Variants in DPP6 observed in about 807,000 individuals in gnomAD.
DPP6 encodes dipeptidyl peptidase like 6, also known as A-type potassium channel modulatory protein DPP6.
A neutral mutation model predicts 122.6 loss-of-function variants in DPP6; 69 were observed. That is an observed-to-expected ratio of 0.56 (90% CI 0.46 to 0.69). The LOEUF (loss-of-function observed/expected upper bound fraction) is 0.69, where lower values mean the gene tolerates loss of function less well. Ranked by LOEUF, DPP6 falls within the 30% of genes least tolerant of loss-of-function variation. DPP6 has a pLI of 0.00. For synonymous variants in DPP6, 418 were observed against 433.1 expected, an observed-to-expected ratio of 0.97 and a Z score of 0.43; for missense variants, 928 against 1,116.9, an observed-to-expected ratio of 0.83 and a Z score of 2.41.
At chr7:154,168,992 C>G (rs1797396396) in intron 1 of DPP6, among the ~76,000 whole-genome samples, 1 of 152,132 alleles carries the variant, frequency 6.6e-6, no homozygotes, top group Non-Finnish European at 1.5e-5. Context: ...AAACAAAAAA[C>G]AAAGCAAAGC....
At chr7:154,060,092 G>T (rs565871561) in intron 1 of DPP6, among the ~76,000 whole-genome samples, 38 of 145,504 alleles carry the variant, frequency 2.6e-4, no homozygotes, top group Admixed American at 4.1e-4. Flanking sequence ...ACCATCGCAG[G>T]GGGGGAGGCA....
intron 1 of DPP6, among the ~76,000 whole-genome samples, chr7:154,422,881 T>C (rs986324673): frequency 6.6e-6 from 1 of 152,154 alleles, no homozygotes; most frequent in Non-Finnish European, 1.5e-5. Flanking sequence ...CCAGCTGGCT[T>C]GCAATAAATA....
At chr7:153,816,367 A>G in the DPP6 span, among the ~76,000 whole-genome samples, 1 of 152,018 alleles carries the variant, frequency 6.6e-6, no homozygotes. Context: ...CAGGCAAAAT[A>G]CATAGTGAAG....
chr7:153,848,699 GA>G, the DPP6 span, among the ~76,000 whole-genome samples: 1 of 152,156 alleles, frequency 6.6e-6, no homozygotes, highest in Admixed American at 6.5e-5. Flanking sequence ...ATGAAACCCA[GA>G]ACGATTCAAA....
chr7:153,853,917 G>A, the DPP6 span, among the ~76,000 whole-genome samples: 1 of 149,504 alleles, frequency 6.7e-6, no homozygotes, highest in East Asian at 1.9e-4. Context: ...TGAAGTCCTT[G>A]CCCATGCCTA....
chr7:154,276,332 C>T (rs1300150644), intron 1 of DPP6, among the ~76,000 whole-genome samples: 3 of 152,156 alleles, frequency 2.0e-5, no homozygotes, highest in South Asian at 2.1e-4. Context: ...GTTAATGCCC[C>T]GTAGGCCTCT....
chr7:153,831,248 T>G, the DPP6 span, among the ~76,000 whole-genome samples: 2 of 152,140 alleles, frequency 1.3e-5, no homozygotes, highest in Non-Finnish European at 1.5e-5. Context: ...GCAAACAAAC[T>G]CCCTATTTTC....
intron 7 of DPP6, among the ~76,000 whole-genome samples, chr7:154,669,969 C>T (rs1838453423): frequency 1.3e-5 from 2 of 152,152 alleles, no homozygotes; most frequent in Non-Finnish European, 2.9e-5. Flanking sequence ...AAGCGATTCT[C>T]CTGCCTCAGC....
intron 1 of DPP6, among the ~76,000 whole-genome samples, chr7:153,958,556 A>G (rs1304421345): frequency 6.6e-6 from 1 of 152,098 alleles, no homozygotes; most frequent in Non-Finnish European, 1.5e-5. Flanking sequence ...AGGTCGAGCC[A>G]AGAGCTGAGG....
At chr7:153,984,433 C>T (rs561283128) in intron 1 of DPP6, among the ~76,000 whole-genome samples, 12 of 152,218 alleles carry the variant, frequency 7.9e-5, no homozygotes, top group Admixed American at 2.6e-4. Context: ...TCAGGGGGCA[C>T]GAAGAAGAGA....
At chr7:154,608,342 T>TATATATATATATATATATATATATATATA (rs59731169) in intron 5 of DPP6, among the ~76,000 whole-genome samples, 137 of 127,298 alleles carry the variant, frequency 1.1e-3, no homozygotes, top group Non-Finnish European at 1.5e-3. Flanking sequence ...TATATATATA[T>TATATATATATATATATATATATATATATA]TTTGAGATGG....
chr7:153,789,132 C>G, the DPP6 span, among the ~76,000 whole-genome samples: 1 of 152,126 alleles, frequency 6.6e-6, no homozygotes, highest in African/African-American at 2.4e-5. Context: ...CTCTTGCTGG[C>G]TTGGAAGATG....
At chr7:153,920,323 G>A (rs939135050) in intron 1 of DPP6, among the ~76,000 whole-genome samples, 3 of 152,136 alleles carry the variant, frequency 2.0e-5, no homozygotes, top group Non-Finnish European at 4.4e-5. Flanking sequence ...TGAGAGAACC[G>A]ACAAGCAACT....
At chr7:154,522,208 T>A (rs1827047778) in intron 3 of DPP6, among the ~76,000 whole-genome samples, 1 of 152,124 alleles carries the variant, frequency 6.6e-6, no homozygotes, top group Admixed American at 6.5e-5. Flanking sequence ...TCTCCTGATC[T>A]CATGATCCGC....
intron 16 of DPP6, among the ~76,000 whole-genome samples, chr7:154,831,912 A>G (rs1800660538): frequency 6.6e-6 from 1 of 152,202 alleles, no homozygotes; most frequent in Non-Finnish European, 1.5e-5. Flanking sequence ...GATTCTGACA[A>G]ATCTTTACAA....
intron 1 of DPP6, among the ~76,000 whole-genome samples, chr7:154,173,733 T>C (rs1405943830): frequency 6.6e-6 from 1 of 152,164 alleles, no homozygotes; most frequent in African/African-American, 2.4e-5. Context: ...ATTCCTATTA[T>C]GGCCAACGCA....
rs200341312 is a variant in DPP6 at position 154,061,577 on chromosome 7, C to G, written c.243+8514C>G. 8.4e-5 allele frequency among the ~76,000 whole-genome samples: 12 copies of G among 143,512 alleles called. No individual in the cohort carries two copies. The East Asian group carries it at 2.2e-3, about 27-fold the overall frequency. 94.1% of individuals were successfully genotyped at this position (143,512 alleles called of 152,430 possible). ...CCCCCCATTTTGTGATGGCTGAGAT[C>G]CATCCCCTCTTCCCCCCTGGCTCTT... On this transcript the variant is annotated intron_variant, in intron 1 of 25. Transcript: ENST00000377770.
At chr7:154,198,790 A>G (rs1200625196) in intron 1 of DPP6, among the ~76,000 whole-genome samples, 2 of 152,116 alleles carry the variant, frequency 1.3e-5, no homozygotes, top group Non-Finnish European at 2.9e-5. Flanking sequence ...TCTGTTTTGT[A>G]AATTGACCTT....
At chr7:154,547,781 G>A (rs1483148384) in intron 4 of DPP6, among the ~76,000 whole-genome samples, 1 of 148,574 alleles carries the variant, frequency 6.7e-6, no homozygotes, top group Non-Finnish European at 1.5e-5. Context: ...TTTTTCTTTT[G>A]TCTTTCTTGT....
Sources: gnomAD v4.1 joint callset for allele counts (sites outside exome capture counted in the v4.1 genomes callset) on GRCh38, gnomAD v4.1.1 for gene constraint, MANE v1.5 for transcripts, NCBI Gene and HGNC (gene_info 2026-07-23, HGNC 2026-07-21) for gene names.